SATB2: variants seen among roughly 807,000 people sequenced by gnomAD.
SATB2 encodes DNA-binding protein SATB2.
SATB2 carries 1 observed loss-of-function variant against 73.4 expected under a neutral mutation model. That is an observed-to-expected ratio of 0.01 (90% CI 0.00 to 0.06). SATB2 has a LOEUF of 0.06. Among genes scored for constraint, SATB2 ranks in the 10% least tolerant of loss-of-function variants. The probability of loss-of-function intolerance (pLI) is 1.00; values close to 1 mark genes in which losing one functional copy is unlikely to be tolerated. For synonymous variants in SATB2, 397 were observed against 367.0 expected, an observed-to-expected ratio of 1.08 and a Z score of -0.93; for missense variants, 459 against 945.8, an observed-to-expected ratio of 0.49 and a Z score of 6.75.
At chr2:199,404,194 G>A (rs1013888181) in intron 3 of SATB2, among the ~76,000 whole-genome samples, 10 of 152,198 alleles carry the variant, frequency 6.6e-5, no homozygotes, top group African/African-American at 2.2e-4. Context: ...GTAACATCAC[G>A]TCAAGAAAAG....
At chr2:199,297,887 GAAGAA>G (rs1177191141) in intron 10 of SATB2, among the ~76,000 whole-genome samples, 3 of 151,424 alleles carry the variant, frequency 2.0e-5, no homozygotes, top group African/African-American at 7.3e-5. Context: ...TCACAGCTGA[GAAGAA>G]AAGTTCTCAC....
intron 3 of SATB2, among the ~76,000 whole-genome samples, chr2:199,417,220 A>G (rs954127332): frequency 1.3e-5 from 2 of 152,044 alleles, no homozygotes; most frequent in African/African-American, 4.8e-5. Context: ...ATAATTCGGC[A>G]TGAAGCTACC....
At chr2:199,380,304 T>C in intron 5 of SATB2, 60 bp downstream of exon 5, 6 of 1,607,006 alleles carry the variant, frequency 3.7e-6, no homozygotes, top group Non-Finnish European at 5.1e-6. Context: ...AGGAACCCCC[T>C]GATAGAGAGT....
Position 199,455,854 on chromosome 2 carries a change from G to C in SATB2, c.169+15C>G, listed in dbSNP as rs1325989374. ...TGGGCCGCGGGCTGCGCGCCTCCCT[G>C]CTCCGGGCTGTTACCTCCCACGGCC... On this transcript the variant is annotated intron_variant, in intron 2 of 10. Transcript: ENST00000417098. The surrounding 1 kb of genome is among the most constrained non-coding windows in gnomAD (Gnocchi z 4.1). 6.5e-7 allele frequency: 1 copy of C among 1,535,370 alleles called. No homozygotes were observed. The highest frequency in any genetic ancestry group is 2.4e-5 in the East Asian group (1 of 41,040).
At chr2:199,383,490 C>T (rs1008672050) in intron 3 of SATB2, among the ~76,000 whole-genome samples, 4 of 152,132 alleles carry the variant, frequency 2.6e-5, no homozygotes, top group African/African-American at 9.7e-5. Context: ...AATCATTCTA[C>T]AATTTTAAAT....
chr2:199,322,542 G>A (rs1687919829), intron 9 of SATB2, among the ~76,000 whole-genome samples: 1 of 152,148 alleles, frequency 6.6e-6, no homozygotes, highest in South Asian at 2.1e-4. Flanking sequence ...TTTCATTGAA[G>A]AGAGAAAGTC....
chr2:199,411,817 C>A (rs181488874), intron 3 of SATB2, among the ~76,000 whole-genome samples: 1 of 152,206 alleles, frequency 6.6e-6, no homozygotes, highest in Admixed American at 6.5e-5. Context: ...ACAACTGTTA[C>A]AAAGATAAGT....
At chr2:199,287,251 T>A (rs1232731314) in intron 10 of SATB2, among the ~76,000 whole-genome samples, 4 of 152,182 alleles carry the variant, frequency 2.6e-5, no homozygotes, top group Non-Finnish European at 4.4e-5. Flanking sequence ...AAGGTAAGCT[T>A]AAAATAATAG....
chr2:199,470,825 G>A (rs567595272), intron 1 of SATB2: 306 of 152,452 alleles, frequency 2.0e-3, no homozygotes, highest in Non-Finnish European at 3.6e-3. Context: ...CCTTGCCGGA[G>A]CCTCCGCACC....
chr2:199,422,615 A>C (rs1044927866), intron 3 of SATB2, among the ~76,000 whole-genome samples: 1 of 152,188 alleles, frequency 6.6e-6, no homozygotes, highest in Non-Finnish European at 1.5e-5. Flanking sequence ...TTAGAAATAC[A>C]GTGCCACTAA....
chr2:199,276,439 T>G (rs765848809), intron 10 of SATB2, among the ~76,000 whole-genome samples: 3 of 152,314 alleles, frequency 2.0e-5, no homozygotes, highest in Non-Finnish European at 2.9e-5. Context: ...CGAATCAAAT[T>G]TGGTCTCTGT....
At position 199,455,295 on chromosome 2, in the gene SATB2, A is replaced by G. The variant is rs6736601; in HGVS notation, c.169+574T>C. Among the ~76,000 whole-genome samples the G allele has an allele frequency of 0.024, 3,624 of 152,324 alleles. 149 individuals are homozygous for G. The highest frequency in any genetic ancestry group is 0.082 in the African/African-American group (3,392 of 41,554). On this transcript the variant is annotated intron_variant, in intron 2 of 10. Coordinates refer to ENST00000417098, the MANE Select transcript of SATB2 (RefSeq NM_001172509.2). The surrounding 1 kb of genome is among the most constrained non-coding windows in gnomAD (Gnocchi z 4.1). ...CATAATAAAGTTACGAATGCATATG[A>G]CTAAACTTTATAGACAACAGCAGCA...
chr2:199,293,062 T>G (rs138235212), intron 10 of SATB2, among the ~76,000 whole-genome samples: 1 of 152,260 alleles, frequency 6.6e-6, no homozygotes, highest in African/African-American at 2.4e-5. Context: ...AAATACCACA[T>G]TTGATCAGAA....
chr2:199,313,506 T>C (rs1010111823), intron 9 of SATB2, among the ~76,000 whole-genome samples: 1 of 152,132 alleles, frequency 6.6e-6, no homozygotes, highest in East Asian at 1.9e-4. Context: ...AGCCATCTCA[T>C]CAGCCTCTTA....
In SATB2 at chr2:199,348,651, A is replaced by T. The variant is rs768379147; in HGVS notation, c.1173+50T>A. ...ATAAAAATAATTATAACCTATCTCAATTCTGTCCCCAGTATTACTGTTAAT... is the reference window on the plus strand; with the variant it reads ...ATAAAAATAATTATAACCTATCTCATTTCTGTCCCCAGTATTACTGTTAAT... On this transcript the variant is annotated intron_variant, in intron 7 of 10. Transcript: ENST00000417098. 5.9e-6 allele frequency: 8 copies of T among 1,365,796 alleles called. 1 individual carries two copies. The Admixed American group carries it at 1.5e-4, about 26-fold the overall frequency. 84.6% of individuals were successfully genotyped at this position (1,365,796 alleles called of 1,614,324 possible).
chr2:199,349,311 C>A (rs1688747014), intron 6 of SATB2, 138 bp from the exon 7 acceptor site: 4 of 690,190 alleles, frequency 5.8e-6, no homozygotes, highest in Non-Finnish European at 9.9e-6. Flanking sequence ...GAAGCTCCAG[C>A]ATAAAAGTGA....
At chr2:199,393,338 T>C (rs1690204506) in intron 3 of SATB2, among the ~76,000 whole-genome samples, 1 of 152,138 alleles carries the variant, frequency 6.6e-6, no homozygotes, top group African/African-American at 2.4e-5. Context: ...CCAGCTTTCT[T>C]TGCAGGTTGA....
At chr2:199,443,959 T>C (rs1691893742) in intron 2 of SATB2, among the ~76,000 whole-genome samples, 1 of 152,146 alleles carries the variant, frequency 6.6e-6, no homozygotes, top group Non-Finnish European at 1.5e-5. Context: ...ATCAAGTTAA[T>C]AAAACCCAGC....
intron 5 of SATB2, among the ~76,000 whole-genome samples, chr2:199,370,814 C>A (rs1689422840): frequency 6.6e-6 from 1 of 152,014 alleles, no homozygotes; most frequent in Admixed American, 6.6e-5. Flanking sequence ...TTTCATATAA[C>A]TCATTTGTAA....
Sources: allele counts gnomAD v4.1 joint callset (sites outside exome capture counted in the v4.1 genomes callset), GRCh38; gene constraint gnomAD v4.1.1; non-coding constraint Gnocchi (gnomAD v3.1); transcripts MANE v1.5; gene names NCBI Gene and HGNC (gene_info 2026-07-23, HGNC 2026-07-21).